TSHZ3: variants seen among roughly 807,000 people sequenced by gnomAD.
TSHZ3 encodes the protein teashirt homolog 3.
Under a neutral mutation model 64.5 loss-of-function variants are expected in TSHZ3, and 10 were observed. That is an observed-to-expected ratio of 0.16 (90% confidence interval 0.10 to 0.26). The LOEUF (loss-of-function observed/expected upper bound fraction) is 0.26. Ranked by LOEUF, TSHZ3 falls within the 10% of genes least tolerant of loss-of-function variation. The probability of loss-of-function intolerance (pLI) is 1.00; values close to 1 mark genes in which losing one functional copy is unlikely to be tolerated. For missense variants in TSHZ3, 1,242 were observed against 1,421.7 expected (o/e 0.87, Z 2.03); for synonymous variants, 608 against 593.1 (o/e 1.03, Z -0.36).
At chr19:31,206,076 AATGGATGGATGG>A (rs58291208) in intron 4 of TSHZ3, among the ~76,000 whole-genome samples, 17,912 of 145,402 alleles carry the variant, frequency 0.12, 1,283 homozygotes, top group African/African-American at 0.2. Context: ...GGATGGGTGA[AATGGATGGATGG>A]ATGGATGGAT....
intron 1 of TSHZ3, among the ~76,000 whole-genome samples, chr19:31,286,294 A>C (rs1976463454): frequency 1.3e-5 from 2 of 152,222 alleles, no homozygotes; most frequent in African/African-American, 2.4e-5. Context: ...ACACACATGG[A>C]TGAGAAATAA....
At chr19:31,165,672 T>C (rs1282018328) in intron 5 of TSHZ3, among the ~76,000 whole-genome samples, 1 of 152,120 alleles carries the variant, frequency 6.6e-6, no homozygotes, top group Non-Finnish European at 1.5e-5. Context: ...GATCCAATAT[T>C]GTAAACTCTG....
At chr19:31,312,409 TC>T (rs1161876934) in intron 1 of TSHZ3, among the ~76,000 whole-genome samples, 3 of 152,138 alleles carry the variant, frequency 2.0e-5, no homozygotes, top group Non-Finnish European at 4.4e-5. Context: ...TCATCACACT[TC>T]CGATGGGGTA....
At chr19:31,206,674 G>A (rs1017259206) in intron 4 of TSHZ3, among the ~76,000 whole-genome samples, 8 of 152,148 alleles carry the variant, frequency 5.3e-5, no homozygotes, top group Non-Finnish European at 1.0e-4. Flanking sequence ...ATAGCCATTT[G>A]ATAATAGTAG....
At chr19:31,349,458 G>A (rs1009202837), upstream of TSHZ3, 10 of 390,814 alleles carry the variant, frequency 2.6e-5, no homozygotes, top group Non-Finnish European at 3.6e-5. Flanking sequence ...AGGGAGGCTC[G>A]GGGAGGGAGG....
intron 1 of TSHZ3, among the ~76,000 whole-genome samples, chr19:31,298,850 TGTACTACTTAAGA>T (rs1405993610): frequency 6.6e-6 from 1 of 152,196 alleles, no homozygotes; most frequent in Non-Finnish European, 1.5e-5. Context: ...ACGTTTAAAA[TGTACTACTTAAGA>T]GTGAAGAAAC....
At chr19:31,325,379 A>G (rs1234606905) in intron 1 of TSHZ3, among the ~76,000 whole-genome samples, 1 of 152,232 alleles carries the variant, frequency 6.6e-6, no homozygotes, top group East Asian at 1.9e-4. Context: ...GCTGTCACCC[A>G]GAGACTGAAA....
chr19:31,310,967 C>T (rs1916440103), intron 1 of TSHZ3, among the ~76,000 whole-genome samples: 1 of 152,188 alleles, frequency 6.6e-6, no homozygotes, highest in Non-Finnish European at 1.5e-5. Context: ...CTCACTGGGC[C>T]CCACCCTTGC....
At chr19:31,345,725 T>C (rs946003972) in intron 1 of TSHZ3, among the ~76,000 whole-genome samples, 1 of 152,182 alleles carries the variant, frequency 6.6e-6, no homozygotes, top group Non-Finnish European at 1.5e-5. Flanking sequence ...AATGGTCTTT[T>C]ATGATTTCAC....
chr19:31,265,752 G>A (rs182136440), intron 1 of TSHZ3, among the ~76,000 whole-genome samples: 1 of 152,304 alleles, frequency 6.6e-6, no homozygotes, highest in East Asian at 1.9e-4. Flanking sequence ...TATTGTGAAA[G>A]GAAGCCCCTT....
rs564296997 is a variant in TSHZ3, at chr19:31,258,932, G to A, written n.64-16057C>T. 8.5e-4 allele frequency among the ~76,000 whole-genome samples: 129 copies of A among 152,256 alleles called. 2 individuals are homozygous for A. The Middle Eastern group carries it at 0.02, about 24-fold the overall frequency. ...ACAGTGTGAGTCCTCTGTGAGTCCC[G>A]GCAGGTCTGGGATCCATGCCCCGGC... On this transcript the variant is annotated intron_variant and non_coding_transcript_variant, in intron 1 of 6. Coordinates refer to the TSHZ3 transcript ENST00000651361.
intron 2 of TSHZ3, among the ~76,000 whole-genome samples, chr19:31,242,781 A>G (rs781278149): frequency 2.2e-5 from 2 of 89,680 alleles, no homozygotes; most frequent in Non-Finnish European, 4.2e-5. Flanking sequence ...TGGAGTTCTG[A>G]TGTCCACAGG....
intron 1 of TSHZ3, among the ~76,000 whole-genome samples, chr19:31,282,335 G>A (rs1296962215): frequency 2.0e-5 from 3 of 152,108 alleles, no homozygotes; most frequent in African/African-American, 7.2e-5. Context: ...TGGGGATTTT[G>A]CTCCTATTAC....
At chr19:31,232,686 C>CTCT (rs982931093) in intron 3 of TSHZ3, among the ~76,000 whole-genome samples, 13 of 152,202 alleles carry the variant, frequency 8.5e-5, no homozygotes, top group Non-Finnish European at 1.6e-4. Flanking sequence ...AGAAATCATC[C>CTCT]TCTTGCCTCT....
At chr19:31,284,725 G>A (rs1976424521) in intron 1 of TSHZ3, among the ~76,000 whole-genome samples, 1 of 152,180 alleles carries the variant, frequency 6.6e-6, no homozygotes, top group African/African-American at 2.4e-5. Flanking sequence ...TATCCATGGG[G>A]ATCACTTGTG....
chr19:31,165,761 G>A (rs902975973), intron 5 of TSHZ3, among the ~76,000 whole-genome samples: 5 of 152,160 alleles, frequency 3.3e-5, no homozygotes, highest in South Asian at 2.1e-4. Flanking sequence ...GTAACTCCCC[G>A]TGTAAATTTA....
At chr19:31,323,146 C>T (rs1455483089) in intron 1 of TSHZ3, among the ~76,000 whole-genome samples, 3 of 152,210 alleles carry the variant, frequency 2.0e-5, no homozygotes, top group Non-Finnish European at 4.4e-5. Flanking sequence ...CTTCTGCTAT[C>T]AAATGCTGAG....
chr19:31,235,644 T>TTCC (rs1234443689), intron 3 of TSHZ3, among the ~76,000 whole-genome samples: 1 of 148,144 alleles, frequency 6.8e-6, no homozygotes. Context: ...CTTTCTTTCT[T>TTCC]TCTTTCTATT....
intron 5 of TSHZ3, among the ~76,000 whole-genome samples, chr19:31,197,387 G>A (rs1455309916): frequency 2.0e-5 from 3 of 151,022 alleles, no homozygotes; most frequent in African/African-American, 7.3e-5. Context: ...AATCATCTAG[G>A]CTTCCATTAG....
Sources: allele counts gnomAD v4.1 joint callset (sites outside exome capture counted in the v4.1 genomes callset), GRCh38; gene constraint gnomAD v4.1.1; transcripts MANE v1.5; gene names NCBI Gene and HGNC (gene_info 2026-07-23, HGNC 2026-07-21).